PHLDB3: variants seen among roughly 807,000 people sequenced by gnomAD.
PHLDB3 encodes pleckstrin homology-like domain family B member 3.
PHLDB3 carries 86 observed loss-of-function variants against 85.7 expected under a neutral mutation model. That is an observed-to-expected ratio of 1.00 (90% CI 0.84 to 1.20). PHLDB3 has a LOEUF of 1.20. Among genes scored for constraint, PHLDB3 ranks in the 50% most tolerant of loss-of-function variants. The pLI is 0.00. For synonymous variants in PHLDB3, 376 were observed against 349.8 expected (o/e 1.07, Z -0.83); for missense variants, 995 against 873.0 (o/e 1.14, Z -1.76).
chr19:43,503,705 TTCTG>T (rs911163462), intron 2 of PHLDB3, among the ~76,000 whole-genome samples, 197 bp downstream of exon 2: 4 of 152,120 alleles, frequency 2.6e-5, no homozygotes, highest in Non-Finnish European at 2.9e-5. Context: ...TGTATCTGGT[TTCTG>T]TCTGTCTGTG....
chr19:43,483,983 A>G (rs961211119), intron 13 of PHLDB3, among the ~76,000 whole-genome samples: 3 of 151,900 alleles, frequency 2.0e-5, no homozygotes, highest in Non-Finnish European at 4.4e-5. Context: ...CAGGCACGGT[A>G]GCTCATGCCT....
rs374562066 is a variant in PHLDB3, at chr19:43,486,879, G to A, written c.1250-9C>T. On this transcript the variant is annotated splice_polypyrimidine_tract_variant and intron_variant, in intron 10 of 15. Transcript: ENST00000292140. ...TGAGGCCTCCAGGGATTCTAGGGTA[G>A]AGGGGACCAGGTTACAGGGCTGGAT... The A allele has an allele frequency of 8.4e-6, 13 of 1,541,428 alleles. No individual in the cohort carries two copies. Among genetic ancestry groups the A allele is most frequent in the Admixed American group, 2.0e-5 (1 of 50,654 alleles).
chr19:43,481,170 TG>T (rs1356909460), intron 13 of PHLDB3, among the ~76,000 whole-genome samples: 1 of 151,670 alleles, frequency 6.6e-6, no homozygotes, highest in Non-Finnish European at 1.5e-5. Context: ...AGCCACACTT[TG>T]AGTGTCAAGG....
In PHLDB3 at chr19:43,486,795, C is replaced by A; in HGVS notation, c.1325G>T (p.Cys442Phe). ...GRYPLYQLLN[C>F]GRGNSCGAIH... ...GATGTCTCACCTATTCCCACGGCCACAGTTCAGCAGCTGGTAGAGGGGGTA... is the reference window on the plus strand; with the variant it reads ...GATGTCTCACCTATTCCCACGGCCAAAGTTCAGCAGCTGGTAGAGGGGGTA... The change falls in exon 11 of 16, where the codon TGT becomes TTT. Residue 442 changes from cysteine (C) to phenylalanine (F), a missense_variant. Physicochemically the swap from Cys to Phe is radical, Grantham distance 205. Coordinates refer to ENST00000292140, the MANE Select transcript of PHLDB3 (RefSeq NM_198850.4). The A allele has an allele frequency of 6.3e-7, 1 of 1,598,990 alleles. No individual in the cohort carries two copies. The highest frequency in any genetic ancestry group is 8.5e-7 in the Non-Finnish European group (1 of 1,171,012).
intron 9 of PHLDB3, among the ~76,000 whole-genome samples, chr19:43,487,420 C>A (rs1449597123): frequency 2.6e-5 from 4 of 151,720 alleles, no homozygotes; most frequent in African/African-American, 7.2e-5. Context: ...ACTAAAAATA[C>A]AGAAATTAGC....
At chr19:43,497,327 C>T (rs1157221863) in intron 5 of PHLDB3, 48 bp from the exon 6 acceptor site, 3 of 1,343,266 alleles carry the variant, frequency 2.2e-6, no homozygotes, top group Non-Finnish European at 2.9e-6. Flanking sequence ...CCCTAAGACC[C>T]CAGGGAGTAG....
At chr19:43,503,874 GC>G (rs750892770) in intron 2 of PHLDB3, 31 bp downstream of exon 2, 8 of 1,612,324 alleles carry the variant, frequency 5.0e-6, no homozygotes, top group Non-Finnish European at 5.9e-6. Context: ...GTCGGTCCAA[GC>G]CCCCCGCGCT....
At chr19:43,501,175 C>CTTTTT (rs59042804) in intron 4 of PHLDB3, among the ~76,000 whole-genome samples, 3 of 83,600 alleles carry the variant, frequency 3.6e-5, no homozygotes, top group South Asian at 4.5e-4. Flanking sequence ...TTCTTTTTCT[C>CTTTTT]TTTTTTTTTT....
At chr19:43,490,389 C>A (rs1463351655) in intron 9 of PHLDB3, among the ~76,000 whole-genome samples, 1 of 151,714 alleles carries the variant, frequency 6.6e-6, no homozygotes, top group Non-Finnish European at 1.5e-5. Context: ...AGTGAGACCC[C>A]ATGTCTACAA....
rs1418882073 is a variant in PHLDB3, at chr19:43,501,842, A to C, written c.426T>G (p.Gly142=). ...CGGCCACTCGCTCCCCAGCCAGCTC[A>C]CCCCGCAGCAAGGCCACCTCCACCT... ...EMEVEVALLR[G]ELAGERVAAR... Residue 142 remains glycine, a synonymous_variant, in exon 4 of 16, where the codon GGT becomes GGG. Coordinates refer to ENST00000292140, the MANE Select transcript of PHLDB3 (RefSeq NM_198850.4). 1 of 1,590,806 alleles carries C rather than the reference A, an allele frequency of 6.3e-7. No individual in the cohort carries two copies. Among genetic ancestry groups the C allele is most frequent in the Non-Finnish European group, 8.6e-7 (1 of 1,169,494 alleles).
rs1488952394 is a variant in PHLDB3, at chr19:43,478,136, G to A, written c.1703-4C>T. ...TTGAGCTTGGTCTCTTCCTTGTCTG[G>A]TAGGGGAGGTAAGAGAAAAAGAGAG... On this transcript the variant is annotated splice_region_variant and splice_polypyrimidine_tract_variant and intron_variant, in intron 14 of 15. Coordinates refer to ENST00000292140, the MANE Select transcript of PHLDB3 (RefSeq NM_198850.4). The A allele has an allele frequency of 1.9e-6, 3 of 1,608,400 alleles. No individual in the cohort carries two copies. Among genetic ancestry groups the A allele is most frequent in the East Asian group, 2.2e-5 (1 of 44,860 alleles).
Position 43,475,217 on chromosome 19 carries a change from C to T in PHLDB3, c.*193G>A. 5 of 710,260 alleles carry T rather than the reference C, an allele frequency of 7.0e-6. No individual in the cohort carries two copies. Among genetic ancestry groups the T allele is most frequent in the Non-Finnish European group, 1.1e-5 (5 of 448,400 alleles). 44.0% of individuals were successfully genotyped at this position (710,260 alleles called of 1,614,324 possible). ...GCAGGGCCTTAGGGGCCGGCGATCC[C>T]GTCGGGGGCAAGGCACCTGCAACCC... is the stretch of plus-strand genomic sequence containing the variant. On this transcript the variant is annotated 3_prime_UTR_variant, in exon 16 of 16. Transcript: ENST00000292140.
Position 43,487,007 on chromosome 19 carries a change from A to G in PHLDB3, c.1249+17T>C. On this transcript the variant is annotated intron_variant, in intron 10 of 15. Transcript: ENST00000292140. The stretch of plus-strand genomic sequence containing the variant: ...GTGCTGATGTGGGAAGGAAGTGGGG[A>G]ACAGGGGGATCCTCACCAGTACAAT... 6.5e-7 allele frequency: 1 copy of G among 1,528,250 alleles called. No homozygotes were observed. 94.7% of individuals were successfully genotyped at this position (1,528,250 alleles called of 1,614,324 possible).
At chr19:43,500,908 T>TCCC (rs1568485127) in intron 4 of PHLDB3, among the ~76,000 whole-genome samples, 12 of 8,310 alleles carry the variant, frequency 1.4e-3, no homozygotes, top group East Asian at 0.01. Context: ...CCGCCCCCCG[T>TCCC]ACCCCCCCCC....
intron 14 of PHLDB3, 86 bp downstream of exon 14, chr19:43,479,291 G>T: frequency 2.2e-6 from 3 of 1,350,322 alleles, no homozygotes; most frequent in Non-Finnish European, 3.1e-6. Context: ...GAAAGTGGGG[G>T]CCAGGACTTC....
chr19:43,481,709 G>A (rs868837121), intron 13 of PHLDB3, among the ~76,000 whole-genome samples: 5 of 151,714 alleles, frequency 3.3e-5, no homozygotes, highest in South Asian at 2.1e-4. Flanking sequence ...TGGGAGGATC[G>A]CTTGAGCCCA....
chr19:43,482,614 T>C lies in PHLDB3; in HGVS notation c.1486-3021A>G, dbSNP rs541498098. Among the ~76,000 whole-genome samples, 310 of 152,244 alleles carry C rather than the reference T, an allele frequency of 2.0e-3. 2 individuals are homozygous for C. Among genetic ancestry groups the C allele is most frequent in the Middle Eastern group, 3.4e-3 (1 of 294 alleles). On this transcript the variant is annotated intron_variant, in intron 13 of 15. Coordinates refer to ENST00000292140, the MANE Select transcript of PHLDB3 (RefSeq NM_198850.4). ...AGAGCAGTGGTGTGATCTTGGCTCATTGCAACCTCTGCTTCCCAGTTCAAG... is the reference window on the plus strand; with the variant it reads ...AGAGCAGTGGTGTGATCTTGGCTCACTGCAACCTCTGCTTCCCAGTTCAAG...
At chr19:43,500,909 A>ACCTCCCCCCC (rs1971573935) in intron 4 of PHLDB3, among the ~76,000 whole-genome samples, 1 of 17,152 alleles carries the variant, frequency 5.8e-5, no homozygotes, top group Non-Finnish European at 1.3e-4. Context: ...CGCCCCCCGT[A>ACCTCCCCCCC]CCCCCCCCCC....
rs780979530 is a variant in PHLDB3 at position 43,475,387 on chromosome 19, T to C, written c.*23A>G. On this transcript the variant is annotated 3_prime_UTR_variant, in exon 16 of 16. Coordinates refer to ENST00000292140, the MANE Select transcript of PHLDB3 (RefSeq NM_198850.4). Reference sequence around the variant, plus strand: ...GCGCCGGCGGAGCCTCGAAGGGACTTCCCCCCAAGAGGGCGGGGCCACTCA... The same window carrying C: ...GCGCCGGCGGAGCCTCGAAGGGACTCCCCCCCAAGAGGGCGGGGCCACTCA... 30 of 1,609,842 alleles carry C rather than the reference T, an allele frequency of 1.9e-5. No homozygotes were observed. Among genetic ancestry groups the C allele is most frequent in the Non-Finnish European group, 2.4e-5 (28 of 1,177,284 alleles).
Sources: allele counts gnomAD v4.1 joint callset (sites outside exome capture counted in the v4.1 genomes callset), GRCh38; gene constraint gnomAD v4.1.1; transcripts MANE v1.5; gene names NCBI Gene and HGNC (gene_info 2026-07-23, HGNC 2026-07-21).